Variants in TIMP2 observed in about 807,000 individuals in gnomAD.
TIMP2 encodes the protein TIMP metallopeptidase inhibitor 2.
A neutral mutation model predicts 24.3 loss-of-function variants in TIMP2; 5 were observed. The ratio of observed to expected loss-of-function variants is 0.21; its 90% CI spans 0.11 to 0.43. TIMP2 has a LOEUF of 0.43. TIMP2 is among the 20% of genes least tolerant of loss of function. TIMP2 has a pLI of 1.00. For synonymous variants in TIMP2, 130 were observed against 123.2 expected (o/e 1.06, Z -0.37); for missense variants, 221 against 297.5 (o/e 0.74, Z 1.89).
chr17:78,857,914 CAAA>C (rs1456838178), intron 3 of TIMP2, among the ~76,000 whole-genome samples: 2 of 151,596 alleles, frequency 1.3e-5, no homozygotes, highest in African/African-American at 4.8e-5. Context: ...TACTAAAATA[CAAA>C]AAATTAGCCG....
intron 4 of TIMP2, 101 bp downstream of exon 4, chr17:78,857,421 G>T: frequency 1.3e-6 from 2 of 1,500,050 alleles, no homozygotes; most frequent in Non-Finnish European, 1.8e-6. Flanking sequence ...ATCAGGAGCC[G>T]GGGATTAACG....
At chr17:78,878,716 C>T (rs901556974) in intron 1 of TIMP2, among the ~76,000 whole-genome samples, 3 of 150,894 alleles carry the variant, frequency 2.0e-5, no homozygotes, top group Non-Finnish European at 4.4e-5. Context: ...CAGATGCCTG[C>T]AGGGAAGTGG....
chr17:78,905,911 C>G (rs2145789174), intron 1 of TIMP2, among the ~76,000 whole-genome samples: 1 of 152,262 alleles, frequency 6.6e-6, no homozygotes, highest in Admixed American at 6.5e-5. Flanking sequence ...GTTGAGTTCC[C>G]ACAGAATCAT....
In TIMP2 at chr17:78,891,715, G is replaced by C. The variant is rs1452502279; in HGVS notation, c.131-17796C>G. The C allele has an allele frequency of 2.8e-5, 43 of 1,551,078 alleles. No individual in the cohort carries two copies. The highest frequency in any genetic ancestry group is 1.7e-4 in the Middle Eastern group (1 of 5,998). ...CTTTCTCTTTTTCCTCCACAAGCCC[G>C]ATTTCTCCCACAGCAGCCACGAGTG... On this transcript the variant is annotated intron_variant, in intron 1 of 4. Transcript: ENST00000262768. This position sits in a 1 kb window ranked among gnomAD's most constrained non-coding sequence, Gnocchi z 4.5.
At position 78,891,849 on chromosome 17, in the gene TIMP2, G is replaced by C; in HGVS notation, c.131-17930C>G. ...GGCCTTCCCTTTCTCTTCTCAGGCG[G>C]GGCCAGGTGAGAATTCATCCGACCC... On this transcript the variant is annotated intron_variant, in intron 1 of 4. Coordinates refer to ENST00000262768, the MANE Select transcript of TIMP2 (RefSeq NM_003255.5). This position sits in a 1 kb window ranked among gnomAD's most constrained non-coding sequence, Gnocchi z 4.5. 1.3e-6 allele frequency: 2 copies of C among 1,550,708 alleles called. No homozygotes were observed. Among genetic ancestry groups the C allele is most frequent in the Non-Finnish European group, 8.7e-7 (1 of 1,147,014 alleles).
Position 78,891,455 on chromosome 17 carries a change from T to A in TIMP2, c.131-17536A>T. On this transcript the variant is annotated intron_variant, in intron 1 of 4. Coordinates refer to ENST00000262768, the MANE Select transcript of TIMP2 (RefSeq NM_003255.5). This position sits in a 1 kb window ranked among gnomAD's most constrained non-coding sequence, Gnocchi z 4.5. ...GTGTTTTTTCAGCTTTCTGTTTATA[T>A]TAAACAACTCTTCAAAGGCCAACTC... 6.4e-7 allele frequency: 1 copy of A among 1,551,082 alleles called. No homozygotes were observed. The highest frequency in any genetic ancestry group is 8.7e-7 in the Non-Finnish European group (1 of 1,147,100).
chr17:78,909,023 T>C (rs1301169711), intron 1 of TIMP2, among the ~76,000 whole-genome samples: 1 of 152,192 alleles, frequency 6.6e-6, no homozygotes, highest in East Asian at 1.9e-4. Flanking sequence ...GAGAGTCATG[T>C]GTGTGCGTGT....
intron 3 of TIMP2, among the ~76,000 whole-genome samples, chr17:78,864,367 C>T (rs533088897): frequency 1.6e-4 from 24 of 150,594 alleles, no homozygotes; most frequent in African/African-American, 5.9e-4. Context: ...TCCTCCATGC[C>T]TCCCTCCCCC....
intron 1 of TIMP2, chr17:78,892,610 A>G: frequency 1.7e-6 from 2 of 1,182,994 alleles, no homozygotes; most frequent in Non-Finnish European, 1.2e-6. Flanking sequence ...ACCAGGGCCC[A>G]CTCTCAGCCT....
intron 1 of TIMP2, among the ~76,000 whole-genome samples, chr17:78,919,958 C>A (rs2070296880): frequency 6.6e-6 from 1 of 152,200 alleles, no homozygotes; most frequent in Admixed American, 6.5e-5. Context: ...ACCCCTCCTG[C>A]CCCTGCCACT....
At position 78,913,219 on chromosome 17, in the gene TIMP2, G is replaced by A. The variant is rs573988072; in HGVS notation, c.130+11740C>T. 1.2e-3 allele frequency among the ~76,000 whole-genome samples: 181 copies of A among 152,118 alleles called. 1 individual carries two copies. Among genetic ancestry groups the A allele is most frequent in the Non-Finnish European group, 2.3e-3 (158 of 68,022 alleles). ...CATACCAACAAGGGCTGAGACCCGC[G>A]GCTCTGCAGGGCTCTAACAACAGCG... is the stretch of plus-strand genomic sequence containing the variant. On this transcript the variant is annotated intron_variant, in intron 1 of 4. Transcript: ENST00000262768.
At chr17:78,878,811 T>A (rs1016059963) in intron 1 of TIMP2, among the ~76,000 whole-genome samples, 5 of 152,204 alleles carry the variant, frequency 3.3e-5, no homozygotes, top group Non-Finnish European at 7.3e-5. Flanking sequence ...TGCTTTAGTC[T>A]GCCCCTGGGG....
intron 3 of TIMP2, among the ~76,000 whole-genome samples, chr17:78,868,420 T>C (rs2069638019): frequency 6.6e-6 from 1 of 152,100 alleles, no homozygotes; most frequent in Admixed American, 6.6e-5. Flanking sequence ...CCAGCTAATT[T>C]TTGTATTTTT....
chr17:78,914,850 G>C (rs1341857322), intron 1 of TIMP2, among the ~76,000 whole-genome samples: 1 of 151,730 alleles, frequency 6.6e-6, no homozygotes, highest in African/African-American at 2.4e-5. Flanking sequence ...GCCTCCCAAA[G>C]TGCTGGGATT....
chr17:78,899,964 A>G (rs1568003901), intron 1 of TIMP2: 1 of 152,170 alleles, frequency 6.6e-6, no homozygotes, highest in Non-Finnish European at 1.5e-5. Flanking sequence ...ATTTCCATAT[A>G]ATTAGAGCTT....
chr17:78,894,293 G>A (rs539618606), intron 1 of TIMP2, among the ~76,000 whole-genome samples: 10 of 152,114 alleles, frequency 6.6e-5, no homozygotes, highest in African/African-American at 2.4e-4. Context: ...GCCCTCTGCT[G>A]CTTGGACGAA....
intron 1 of TIMP2, among the ~76,000 whole-genome samples, chr17:78,893,913 A>G (rs2069958491): frequency 6.6e-6 from 1 of 152,146 alleles, no homozygotes; most frequent in African/African-American, 2.4e-5. Flanking sequence ...GATGCCAGAA[A>G]CAGCCAGATC....
At chr17:78,864,827 G>A (rs1007598916) in intron 3 of TIMP2, among the ~76,000 whole-genome samples, 13 of 152,034 alleles carry the variant, frequency 8.6e-5, no homozygotes, top group South Asian at 8.3e-4. Context: ...CAAGGCAGGC[G>A]GATCACCTGA....
chr17:78,897,028 C>T (rs2070012275), intron 1 of TIMP2: 1 of 983,876 alleles, frequency 1.0e-6, no homozygotes, highest in Non-Finnish European at 1.2e-6. Flanking sequence ...AGCTTTTCAG[C>T]CAAGGCAGAC....
Sources: gnomAD v4.1 joint callset for allele counts (sites outside exome capture counted in the v4.1 genomes callset) on GRCh38, gnomAD v4.1.1 for gene constraint, Gnocchi (gnomAD v3.1) non-coding constraint, MANE v1.5 for transcripts, NCBI Gene and HGNC (gene_info 2026-07-23, HGNC 2026-07-21) for gene names.